Variants in C6orf118 observed in about 807,000 individuals in gnomAD.
C6orf118 encodes uncharacterized protein C6orf118.
Under a neutral mutation model 50.2 loss-of-function variants are expected in C6orf118, and 50 were observed. The ratio of observed to expected loss-of-function variants is 1.00; its 90% CI spans 0.79 to 1.26. C6orf118 has a LOEUF of 1.26. Among genes scored for constraint, C6orf118 ranks in the 50% most tolerant of loss-of-function variants. The probability of loss-of-function intolerance (pLI) is 0.00; values close to 1 mark genes in which losing one functional copy is unlikely to be tolerated. For missense variants in C6orf118, 641 were observed against 578.7 expected, an observed-to-expected ratio of 1.11 and a Z score of -1.10; for synonymous variants, 239 against 230.9, an observed-to-expected ratio of 1.03 and a Z score of -0.32.
rs1206716522 is a variant in C6orf118 at position 165,289,956 on chromosome 6, T to G, written c.1232A>C (p.Lys411Thr). 1.2e-6 allele frequency: 2 copies of G among 1,611,426 alleles called. No homozygotes were observed. The highest frequency in any genetic ancestry group is 1.7e-6 in the Non-Finnish European group (2 of 1,178,710). ...ATGAACCAAAGTTGTTTTAATTTCT[T>G]TTTCCAGAGCTTGTATCTCATCCCA... ...SKWDEIQALE[K>T]EIKTTLVHTG... Residue 411 changes from lysine to threonine, a missense_variant, in exon 7 of 9, where the codon AAA becomes ACA. Transcript: ENST00000230301.
In C6orf118 at chr6:165,289,964, A is replaced by C. The variant is rs73022263; in HGVS notation, c.1224T>G (p.Ala408=). Residue 408 remains alanine, a synonymous_variant, in exon 7 of 9, where the codon GCT becomes GCG. Transcript: ENST00000230301. The part of the protein sequence containing the change: ...EILSKWDEIQ[A]LEKEIKTTLV... ...AAGTTGTTTTAATTTCTTTTTCCAG[A>C]GCTTGTATCTCATCCCACTTACTGA... 0.029 allele frequency: 46,851 copies of C among 1,610,386 alleles called. 790 individuals carry two copies. Among genetic ancestry groups the C allele is most frequent in the Middle Eastern group, 0.045 (270 of 6,046 alleles).
chr6:165,290,757 G>A (rs1780079280), intron 6 of C6orf118, among the ~76,000 whole-genome samples: 1 of 152,166 alleles, frequency 6.6e-6, no homozygotes, highest in Non-Finnish European at 1.5e-5. Context: ...AGAAAGACCT[G>A]TTGGGAAGCT....
intron 7 of C6orf118, among the ~76,000 whole-genome samples, chr6:165,286,027 A>T (rs1008396783): frequency 5.9e-5 from 9 of 151,874 alleles, no homozygotes; most frequent in Non-Finnish European, 1.2e-4. Context: ...TAAATAGACC[A>T]CTAGCTAGAT....
At position 165,302,003 on chromosome 6, in the gene C6orf118, CCTT is replaced by C. The variant is rs756200537; in HGVS notation, c.316_318del (p.Lys106del). The C allele has an allele frequency of 1.7e-5, 28 of 1,613,484 alleles. No homozygotes were observed. The highest frequency in any genetic ancestry group is 3.3e-5 in the Admixed American group (2 of 60,010). On this transcript the variant is annotated inframe_deletion, in exon 2 of 9. Transcript: ENST00000230301. ...TGGATGGTGAAGTGGGCCAGGGCCT[CCTT>C]CATCCTCGCCACCTTCCCTGCGGGC...
intron 2 of C6orf118, 139 bp downstream of exon 2, chr6:165,301,430 C>A: frequency 8.1e-7 from 1 of 1,231,336 alleles, no homozygotes; most frequent in Admixed American, 2.3e-5. Context: ...AGGTCTGCAC[C>A]GAGAACACTG....
At chr6:165,283,492 G>C (rs1037877650) in intron 7 of C6orf118, among the ~76,000 whole-genome samples, 3 of 152,188 alleles carry the variant, frequency 2.0e-5, no homozygotes, top group African/African-American at 7.2e-5. Flanking sequence ...GGCAGTCAGA[G>C]TGCTTCGTTA....
chr6:165,281,228 T>A (rs1298378041), intron 8 of C6orf118, among the ~76,000 whole-genome samples: 1 of 152,214 alleles, frequency 6.6e-6, no homozygotes, highest in Non-Finnish European at 1.5e-5. Flanking sequence ...CCTGCCCATG[T>A]GAATTCACCC....
intron 6 of C6orf118, among the ~76,000 whole-genome samples, chr6:165,291,185 A>G: frequency 6.6e-6 from 1 of 152,178 alleles, no homozygotes; most frequent in Non-Finnish European, 1.5e-5. Flanking sequence ...ATATCAGAAT[A>G]GTACTCCCAG....
At chr6:165,280,458 A>G (rs1045913899) in intron 8 of C6orf118, among the ~76,000 whole-genome samples, 13 of 152,144 alleles carry the variant, frequency 8.5e-5, no homozygotes, top group African/African-American at 3.1e-4. Context: ...TCTTTTTAAG[A>G]ACACCCAACA....
chr6:165,298,633 G>A lies in C6orf118; in HGVS notation c.937-532C>T, dbSNP rs571972410. Among the ~76,000 whole-genome samples, 11 of 152,312 alleles carry A rather than the reference G, an allele frequency of 7.2e-5. No individual in the cohort carries two copies. In the South Asian group the frequency reaches 2.1e-3, roughly 29 times the overall value. ...CATGCTCACATTTGACCGAGATAGG[G>A]ACGTATGCCACTTATGACTCAATCT... On this transcript the variant is annotated intron_variant, in intron 4 of 8. Transcript: ENST00000230301.
At position 165,302,201 on chromosome 6, in the gene C6orf118, G is replaced by A. The variant is rs1780581404; in HGVS notation, c.121C>T (p.Leu41=). The stretch of plus-strand genomic sequence containing the variant: ...TGAAGCCGATTCAGAAGTTTCTTCA[G>A]ATTACACAGGGTCTTCACTCCTGGC... ...ETPGVKTLCN[L]KKLLNRLQKD... Residue 41 remains leucine (L), a synonymous_variant, in exon 2 of 9, where the codon CTG becomes TTG. Coordinates refer to ENST00000230301, the MANE Select transcript of C6orf118 (RefSeq NM_144980.4). 6.2e-7 allele frequency: 1 copy of A among 1,612,800 alleles called. No individual in the cohort carries two copies. Among genetic ancestry groups the A allele is most frequent in the Non-Finnish European group, 8.5e-7 (1 of 1,179,096 alleles).
chr6:165,287,182 G>A (rs1444405812), intron 7 of C6orf118, among the ~76,000 whole-genome samples: 1 of 152,042 alleles, frequency 6.6e-6, no homozygotes, highest in East Asian at 1.9e-4. Context: ...ATTCACAATT[G>A]CCATAAAGAG....
intron 1 of C6orf118, among the ~76,000 whole-genome samples, chr6:165,302,939 C>T (rs966733009): frequency 3.9e-5 from 6 of 152,332 alleles, no homozygotes; most frequent in East Asian, 1.9e-4. Flanking sequence ...CTAGAAGAGA[C>T]GCTTCATAAA....
Position 165,305,724 on chromosome 6 carries a change from T to G in C6orf118, c.26-3428A>C, listed in dbSNP as rs958472439. ...TGCAGCCAAAAAACACATGAAGAAA[T>G]GCTCATCATCACTGGCCATCAGAGA... On this transcript the variant is annotated intron_variant, in intron 1 of 8. Transcript: ENST00000230301. 4.2e-5 allele frequency among the ~76,000 whole-genome samples: 5 copies of G among 120,370 alleles called. No homozygotes were observed. In the East Asian group the frequency reaches 1.1e-3, roughly 26 times the overall value. 79.0% of individuals were successfully genotyped at this position (120,370 alleles called of 152,430 possible). A position where few individuals can be genotyped will look rare whatever the true frequency, so the allele number is the denominator to read the frequency against.
At chr6:165,292,915 T>C (rs1312135135) in intron 6 of C6orf118, among the ~76,000 whole-genome samples, 1 of 152,180 alleles carries the variant, frequency 6.6e-6, no homozygotes. Flanking sequence ...GATAGTCCTG[T>C]GAGCATATCC....
At chr6:165,300,673 C>A (rs1041847378) in intron 2 of C6orf118, among the ~76,000 whole-genome samples, 187 bp from the exon 3 acceptor site, 1 of 152,008 alleles carries the variant, frequency 6.6e-6, no homozygotes, top group African/African-American at 2.4e-5. Context: ...TCCCTGGTCA[C>A]CCAAGATGTG....
At chr6:165,307,917 A>G (rs1454253012) in intron 1 of C6orf118, among the ~76,000 whole-genome samples, 1 of 152,190 alleles carries the variant, frequency 6.6e-6, no homozygotes, top group African/African-American at 2.4e-5. Context: ...CCATCCTACC[A>G]GCCGGAGAAT....
chr6:165,294,254 C>CA (rs71026682), intron 5 of C6orf118, among the ~76,000 whole-genome samples: 71,701 of 122,190 alleles, frequency 0.59, 19,880 homozygotes, highest in East Asian at 0.78. Flanking sequence ...TTTAAAAAAG[C>CA]AAAAAAAAAA....
chr6:165,296,274 T>TGCCTTGGCATTCAC (rs1780304504), intron 5 of C6orf118, among the ~76,000 whole-genome samples: 1 of 114,756 alleles, frequency 8.7e-6, no homozygotes, highest in African/African-American at 3.3e-5. Flanking sequence ...TTTTTTTTTT[T>TGCCTTGGCATTCAC]TTTGCCTTGG....
Sources: gnomAD v4.1 joint callset for allele counts (sites outside exome capture counted in the v4.1 genomes callset) on GRCh38, gnomAD v4.1.1 for gene constraint, MANE v1.5 for transcripts, NCBI Gene and HGNC (gene_info 2026-07-23, HGNC 2026-07-21) for gene names.